The following COL24A1 variants were observed in gnomAD, a reference collection of about 807,000 sequenced individuals.
COL24A1 encodes the protein collagen type XXIV alpha 1 chain.
In COL24A1, 224 loss-of-function variants were observed where a neutral mutation model predicts 253.9. That is an observed-to-expected ratio of 0.88 (90% CI 0.79 to 0.99). COL24A1 has a LOEUF of 0.99. COL24A1 is among the 50% of genes least tolerant of loss of function. The pLI, the probability that COL24A1 is intolerant of heterozygous loss-of-function variation, is 0.00. For missense variants in COL24A1, 2,131 were observed against 2,068.5 expected, an observed-to-expected ratio of 1.03 and a Z score of -0.59; for synonymous variants, 685 against 673.7, an observed-to-expected ratio of 1.02 and a Z score of -0.26.
intron 21 of COL24A1, 27 bp from the exon 22 acceptor site, chr1:85,970,298 A>G (rs1290369532): frequency 1.3e-6 from 2 of 1,559,060 alleles, no homozygotes; most frequent in East Asian, 4.5e-5. Flanking sequence ...GTCAGAACAT[A>G]TTATGGCCTA....
chr1:86,026,261 A>G (rs1224028629), intron 14 of COL24A1, among the ~76,000 whole-genome samples: 1 of 152,220 alleles, frequency 6.6e-6, no homozygotes, highest in African/African-American at 2.4e-5. Context: ...AGAAAGGACC[A>G]TCTATATCAG....
Position 85,784,332 on chromosome 1 carries a change from T to C in COL24A1, c.4094A>G (p.Gln1365Arg). Reference protein sequence around the residue: ...EQGLPGQPGIQGKRGHRGAQG... With the variant: ...EQGLPGQPGIRGKRGHRGAQG... ...TGCTCCTCGGTGACCTCTTTTACCT[T>C]GAATTCCAGGTTGACCAGGTAGCCC... The change falls in exon 49 of 60, where the codon CAA (glutamine) becomes CGA (arginine). Residue 1365 changes from glutamine (Q) to arginine (R), a missense_variant. Gln to Arg is a conservative substitution (Grantham distance 43). Coordinates refer to ENST00000370571, the MANE Select transcript of COL24A1 (RefSeq NM_152890.7). 1 of 1,614,004 alleles carries C rather than the reference T, an allele frequency of 6.2e-7. No individual in the cohort carries two copies.
chr1:85,982,825 C>T (rs1693381884), intron 20 of COL24A1, among the ~76,000 whole-genome samples: 1 of 151,962 alleles, frequency 6.6e-6, no homozygotes, highest in South Asian at 2.1e-4. Context: ...TCCCATTGTA[C>T]AAACTCAATA....
chr1:85,961,449 C>G (rs1424906961), intron 23 of COL24A1, among the ~76,000 whole-genome samples, 156 bp from the exon 24 acceptor site: 1 of 152,102 alleles, frequency 6.6e-6, no homozygotes, highest in African/African-American at 2.4e-5. Flanking sequence ...ATAAGTGGAG[C>G]AAACCACCAT....
intron 11 of COL24A1, among the ~76,000 whole-genome samples, chr1:86,048,980 G>T (rs528878171): frequency 6.6e-6 from 1 of 152,264 alleles, no homozygotes; most frequent in East Asian, 1.9e-4. Context: ...GATCAGAAAA[G>T]GATTGTTATC....
intron 37 of COL24A1, among the ~76,000 whole-genome samples, chr1:85,855,843 G>A (rs1305043314): frequency 6.6e-6 from 1 of 152,112 alleles, no homozygotes; most frequent in Non-Finnish European, 1.5e-5. Context: ...TGGTTGGTAG[G>A]TTTCTAAGTC....
chr1:85,882,336 C>A (rs998962234), intron 32 of COL24A1, among the ~76,000 whole-genome samples: 5 of 152,142 alleles, frequency 3.3e-5, no homozygotes, highest in Admixed American at 2.0e-4. Context: ...TGGTGGCGGG[C>A]GCCTGTAGTC....
chr1:86,002,666 G>A (rs976062899), intron 19 of COL24A1, among the ~76,000 whole-genome samples: 1 of 152,084 alleles, frequency 6.6e-6, no homozygotes, highest in Non-Finnish European at 1.5e-5. Flanking sequence ...AGCAAGAGAT[G>A]GCTAGTACAA....
chr1:85,933,364 A>AT (rs981607723), intron 24 of COL24A1, among the ~76,000 whole-genome samples: 4 of 151,970 alleles, frequency 2.6e-5, no homozygotes, highest in Admixed American at 6.6e-5. Flanking sequence ...TCACAGAATA[A>AT]TTTTTTTTAA....
chr1:86,080,203 T>G (rs1014321576), intron 7 of COL24A1, among the ~76,000 whole-genome samples: 3 of 152,272 alleles, frequency 2.0e-5, no homozygotes, highest in Middle Eastern at 3.4e-3. Context: ...TTCTCACTTA[T>G]CTGTGGGATC....
intron 12 of COL24A1, among the ~76,000 whole-genome samples, chr1:86,038,115 A>T (rs983887661): frequency 1.3e-5 from 2 of 152,122 alleles, no homozygotes; most frequent in African/African-American, 2.4e-5. Context: ...GTCTATACTT[A>T]TGTAAAGACA....
chr1:85,756,057 C>CAAAA lies in COL24A1; in HGVS notation c.4437+5335_4437+5338dup, dbSNP rs200030128. Among the ~76,000 whole-genome samples the CAAAA allele has an allele frequency of 9.1e-3, 867 of 95,240 alleles. 2 individuals are homozygous for CAAAA. Among genetic ancestry groups the CAAAA allele is most frequent in the East Asian group, 0.024 (72 of 2,976 alleles). The allele number at this position is 95,240 out of a possible 152,430, so 62.5% of individuals were successfully genotyped here. On this transcript the variant is annotated intron_variant, in intron 55 of 59. Transcript: ENST00000370571. ...AGAGCTTCTACAACTTACTAACAAC[C>CAAAA]AAAAAAAAAAAAAAAAAAAAAAAGG...
intron 47 of COL24A1, among the ~76,000 whole-genome samples, chr1:85,799,965 C>A (rs1338746879): frequency 6.6e-6 from 1 of 152,132 alleles, no homozygotes; most frequent in Non-Finnish European, 1.5e-5. Flanking sequence ...TTACTGTAAT[C>A]CATTTGTTTC....
intron 6 of COL24A1, among the ~76,000 whole-genome samples, chr1:86,090,424 A>T (rs1461283847): frequency 6.6e-6 from 1 of 152,100 alleles, no homozygotes; most frequent in Non-Finnish European, 1.5e-5. Context: ...AGGGCTTAAA[A>T]CCTTGTGTAT....
At chr1:85,948,636 T>C (rs1009268170) in intron 24 of COL24A1, among the ~76,000 whole-genome samples, 1 of 151,512 alleles carries the variant, frequency 6.6e-6, no homozygotes, top group African/African-American at 2.4e-5. Context: ...TGTCATCATG[T>C]GTTTCTGTAT....
At chr1:85,944,044 T>C (rs1688999539) in intron 24 of COL24A1, among the ~76,000 whole-genome samples, 1 of 152,228 alleles carries the variant, frequency 6.6e-6, no homozygotes, top group Non-Finnish European at 1.5e-5. Flanking sequence ...GATGTCCTTT[T>C]TGTACATTCG....
At chr1:85,822,728 G>A (rs1673784053) in intron 45 of COL24A1, among the ~76,000 whole-genome samples, 1 of 152,076 alleles carries the variant, frequency 6.6e-6, no homozygotes, top group South Asian at 2.1e-4. Flanking sequence ...GTACTTCCTT[G>A]TAAAATCCAG....
chr1:85,776,479 T>C (rs1304938174), intron 52 of COL24A1, among the ~76,000 whole-genome samples: 1 of 117,714 alleles, frequency 8.5e-6, no homozygotes, highest in African/African-American at 3.3e-5. Context: ...GAAAATTTTA[T>C]ATGTATATAT....
intron 2 of COL24A1, among the ~76,000 whole-genome samples, chr1:86,132,974 C>T (rs1025857824): frequency 5.9e-5 from 9 of 151,656 alleles, no homozygotes; most frequent in African/African-American, 7.3e-5. Flanking sequence ...CCCTTTTTCA[C>T]GATATTGATT....
Sources: allele counts gnomAD v4.1 joint callset (sites outside exome capture counted in the v4.1 genomes callset), GRCh38; gene constraint gnomAD v4.1.1; transcripts MANE v1.5; gene names NCBI Gene and HGNC (gene_info 2026-07-23, HGNC 2026-07-21).